Variants in TTC21B observed in about 807,000 individuals in gnomAD.
TTC21B encodes the protein tetratricopeptide repeat protein 21B.
A neutral mutation model predicts 175.1 loss-of-function variants in TTC21B; 127 were observed. The ratio of observed to expected loss-of-function variants is 0.73; its 90% CI spans 0.63 to 0.84. The LOEUF is 0.84. Ranked by LOEUF, TTC21B falls within the 40% of genes least tolerant of loss-of-function variation. TTC21B has a pLI of 0.00. For synonymous variants in TTC21B, 524 were observed against 524.5 expected, an observed-to-expected ratio of 1.00 and a Z score of 0.01; for missense variants, 1,561 against 1,558.3, an observed-to-expected ratio of 1.00 and a Z score of -0.03.
Position 165,949,387 on chromosome 2 carries a change from A to G in TTC21B, c.262+7T>C, listed in dbSNP as rs748384169. On this transcript the variant is annotated splice_region_variant and intron_variant, in intron 3 of 28. Transcript: ENST00000243344. Reference sequence around the variant, plus strand: ...AATGTCCTAAGCATTGCATTTAAATATCATACCTGGATTAGGACTCATTTT... The same window carrying G: ...AATGTCCTAAGCATTGCATTTAAATGTCATACCTGGATTAGGACTCATTTT... The G allele has an allele frequency of 5.7e-6, 9 of 1,591,516 alleles. No homozygotes were observed. The South Asian group carries it at 8.8e-5, about 16-fold the overall frequency.
chr2:165,942,047 C>CT (rs1687386783), intron 5 of TTC21B, among the ~76,000 whole-genome samples: 1 of 152,068 alleles, frequency 6.6e-6, no homozygotes, highest in African/African-American at 2.4e-5. Flanking sequence ...TATCAACTAG[C>CT]TTTTCTTTAA....
At chr2:165,897,259 T>A (rs1685400417) in intron 22 of TTC21B, among the ~76,000 whole-genome samples, 1 of 152,146 alleles carries the variant, frequency 6.6e-6, no homozygotes. Context: ...GAAACACAGA[T>A]GAGTTATGAC....
At chr2:165,895,338 T>A (rs745834639) in intron 22 of TTC21B, among the ~76,000 whole-genome samples, 15 of 152,174 alleles carry the variant, frequency 9.9e-5, no homozygotes, top group Non-Finnish European at 2.2e-4. Context: ...GGAAAAAGGC[T>A]GCTGCCAAGC....
intron 21 of TTC21B, among the ~76,000 whole-genome samples, chr2:165,899,480 T>C (rs552757803): frequency 2.0e-5 from 3 of 152,312 alleles, no homozygotes; most frequent in African/African-American, 7.2e-5. Context: ...TAGCAAATTA[T>C]AGTGTTACCA....
At chr2:165,948,066 G>A (rs1033090605) in intron 3 of TTC21B, 3 of 152,192 alleles carry the variant, frequency 2.0e-5, no homozygotes, top group Non-Finnish European at 2.9e-5. Flanking sequence ...TACGGAGAAA[G>A]GGGATCCACA....
rs375080734 is a variant in TTC21B at position 165,918,919 on chromosome 2, T to C, written c.1674+357A>G. On this transcript the variant is annotated intron_variant, in intron 13 of 28. Coordinates refer to ENST00000243344, the MANE Select transcript of TTC21B (RefSeq NM_024753.5). ...AATAAACAGACAATTATTATCTTTA[T>C]ACATAAAAATATTTGACATAAGGAT... Among the ~76,000 whole-genome samples the C allele has an allele frequency of 8.5e-5, 13 of 152,344 alleles. No homozygotes were observed. The Middle Eastern group carries it at 0.01, about 120-fold the overall frequency.
Position 165,930,358 on chromosome 2 carries a change from G to T in TTC21B, c.901C>A (p.Arg301Ser), listed in dbSNP as rs1437304335. The change falls in exon 9 of 29, where the codon CGT (arginine) becomes AGT (serine). Residue 301 changes from arginine to serine, a missense_variant. Physicochemically the swap from Arg to Ser is moderately radical, Grantham distance 110 (BLOSUM62 -1). Coordinates refer to ENST00000243344, the MANE Select transcript of TTC21B (RefSeq NM_024753.5). ...ATTTTTTGAAGAATAAGTTGACTAC[G>T]TCCACACTAAAAAGAAAAAAAAATG... ...ITLAFSRTCG[R>S]SQLILQKIQT... is the part of the protein sequence containing the mutation. 3 of 1,606,648 alleles carry T rather than the reference G, an allele frequency of 1.9e-6. No individual in the cohort carries two copies. Among genetic ancestry groups the T allele is most frequent in the Admixed American group, 1.7e-5 (1 of 59,512 alleles).
intron 12 of TTC21B, among the ~76,000 whole-genome samples, chr2:165,923,085 G>A (rs1559061763): frequency 6.6e-6 from 1 of 152,158 alleles, no homozygotes; most frequent in Non-Finnish European, 1.5e-5. Context: ...AGACTTAGAA[G>A]AGGGAGGATG....
chr2:165,927,707 T>C (rs1686730390), intron 11 of TTC21B, among the ~76,000 whole-genome samples: 1 of 151,320 alleles, frequency 6.6e-6, no homozygotes, highest in Admixed American at 6.7e-5. Context: ...CAAGGGAAAA[T>C]GGATTATGAC....
chr2:165,938,402 T>C (rs767894561), intron 6 of TTC21B, among the ~76,000 whole-genome samples: 4 of 152,104 alleles, frequency 2.6e-5, no homozygotes, highest in Non-Finnish European at 5.9e-5. Flanking sequence ...CACCTAGTTA[T>C]TGAGCATGAA....
At chr2:165,902,540 G>T (rs905277760) in intron 19 of TTC21B, among the ~76,000 whole-genome samples, 1 of 151,664 alleles carries the variant, frequency 6.6e-6, no homozygotes, top group African/African-American at 2.4e-5. Context: ...TCAAGCCAGA[G>T]GTTTAGACAG....
At chr2:165,926,356 TCCCCATTGTA>T (rs1686628859) in intron 11 of TTC21B, among the ~76,000 whole-genome samples, 1 of 152,112 alleles carries the variant, frequency 6.6e-6, no homozygotes, top group African/African-American at 2.4e-5. Context: ...TTTTGGTGAC[TCCCCATTGTA>T]CCCCATTGTA....
intron 3 of TTC21B, among the ~76,000 whole-genome samples, chr2:165,946,331 C>T (rs998008583): frequency 6.6e-6 from 1 of 151,062 alleles, no homozygotes; most frequent in East Asian, 2.0e-4. Flanking sequence ...AGAGCAAGAC[C>T]CCGACTCAAA....
At chr2:165,909,969 A>G (rs773793396) in intron 18 of TTC21B, among the ~76,000 whole-genome samples, 5 of 152,182 alleles carry the variant, frequency 3.3e-5, no homozygotes, top group Non-Finnish European at 5.9e-5. Context: ...AGAGGCAAAG[A>G]TGGGGGCAGG....
chr2:165,914,746 G>A (rs908413549), intron 15 of TTC21B, among the ~76,000 whole-genome samples: 1 of 128,202 alleles, frequency 7.8e-6, no homozygotes, highest in Non-Finnish European at 1.6e-5. Context: ...ATACTTTTAA[G>A]GTCATGCTCT....
intron 15 of TTC21B, 55 bp downstream of exon 15, chr2:165,915,146 A>G: frequency 6.9e-7 from 1 of 1,454,038 alleles, no homozygotes; most frequent in Non-Finnish European, 9.6e-7. Flanking sequence ...AAAATTGGGA[A>G]TTAATACTAG....
In TTC21B at chr2:165,911,428, T is replaced by A; in HGVS notation, c.2360A>T (p.Gln787Leu). The A allele has an allele frequency of 6.2e-7, 1 of 1,613,848 alleles. No homozygotes were observed. Among genetic ancestry groups the A allele is most frequent in the Non-Finnish European group, 8.5e-7 (1 of 1,179,884 alleles). ...CAGGTCATAGCAAAGATAATTCTTTTGTCCAGTTTTCAGAGCAGCTTCATA... is the reference window on the plus strand; with the variant it reads ...CAGGTCATAGCAAAGATAATTCTTTAGTCCAGTTTTCAGAGCAGCTTCATA... ...TYYEAALKTG[Q>L]KNYLCYDLAE... The change falls in exon 18 of 29, where the codon CAA (glutamine) becomes CTA (leucine). Residue 787 changes from glutamine to leucine, a missense_variant. Coordinates refer to ENST00000243344, the MANE Select transcript of TTC21B (RefSeq NM_024753.5).
chr2:165,940,878 A>G (rs895727968), intron 6 of TTC21B, 149 bp downstream of exon 6: 14 of 782,764 alleles, frequency 1.8e-5, no homozygotes, highest in Non-Finnish European at 2.9e-5. Flanking sequence ...AATGTTTAAA[A>G]GCAGTATGAT....
intron 8 of TTC21B, among the ~76,000 whole-genome samples, chr2:165,930,843 C>T (rs141238215): frequency 1.4e-5 from 2 of 145,016 alleles, no homozygotes; most frequent in African/African-American, 5.0e-5. Context: ...ACTAGCTATG[C>T]CATCAGTGAG....
Sources: allele counts gnomAD v4.1 joint callset (sites outside exome capture counted in the v4.1 genomes callset), GRCh38; gene constraint gnomAD v4.1.1; transcripts MANE v1.5; gene names NCBI Gene and HGNC (gene_info 2026-07-23, HGNC 2026-07-21).